Variants in DST observed in about 807,000 individuals in gnomAD.
DST encodes dystonin.
DST carries 253 observed loss-of-function variants against 875.2 expected under a neutral mutation model. That is an observed-to-expected ratio of 0.29 (90% CI 0.26 to 0.32). The LOEUF is 0.32. Ranked by LOEUF, DST falls within the 10% of genes least tolerant of loss-of-function variation. The pLI, the probability that DST is intolerant of heterozygous loss-of-function variation, is 1.00. For missense variants in DST, 8,287 were observed against 9,111.6 expected, an observed-to-expected ratio of 0.91 and a Z score of 3.68; for synonymous variants, 3,124 against 3,197.1, an observed-to-expected ratio of 0.98 and a Z score of 0.77.
chr6:56,610,116 C>A (rs1404663988), intron 39 of DST, among the ~76,000 whole-genome samples: 1 of 152,004 alleles, frequency 6.6e-6, no homozygotes, highest in Non-Finnish European at 1.5e-5. Flanking sequence ...TCTTTTATAG[C>A]CTATAATATA....
intron 4 of DST, among the ~76,000 whole-genome samples, chr6:56,770,524 C>G (rs2099651683): frequency 6.6e-6 from 1 of 152,138 alleles, no homozygotes; most frequent in South Asian, 2.1e-4. Context: ...TTCCATGCAT[C>G]CACATAGAGT....
In DST at chr6:56,460,026, CA is replaced by C. The variant is rs1581905300; in HGVS notation, c.23194+104del. On this transcript the variant is annotated intron_variant, in intron 103 of 103. Coordinates refer to ENST00000680361, the MANE Select transcript of DST (RefSeq NM_001374736.1). ...GCTACATATCATTTTAAGACTACCT[CA>C]GGGTCAATTTGTAATTTCTTCCCCA... 4.3e-6 allele frequency: 6 copies of C among 1,380,320 alleles called. No individual in the cohort carries two copies. The East Asian group carries it at 1.5e-4, about 34-fold the overall frequency. The allele number at this position is 1,380,320 out of a possible 1,614,324, so 85.5% of individuals were successfully genotyped here. A position where few individuals can be genotyped will look rare whatever the true frequency, so the allele number is the denominator to read the frequency against.
intron 5 of DST, among the ~76,000 whole-genome samples, chr6:56,715,038 T>G (rs1407188364): frequency 6.6e-6 from 1 of 152,204 alleles, no homozygotes; most frequent in African/African-American, 2.4e-5. Context: ...TCTGACACAG[T>G]GCCTTTCATA....
At chr6:56,741,917 C>T (rs992340041) in intron 4 of DST, among the ~76,000 whole-genome samples, 7 of 152,036 alleles carry the variant, frequency 4.6e-5, no homozygotes, top group East Asian at 1.9e-4. Flanking sequence ...AAATATGTAA[C>T]GACAATGAAG....
At chr6:56,589,944 T>A (rs953642513) in intron 49 of DST, among the ~76,000 whole-genome samples, 16 of 152,246 alleles carry the variant, frequency 1.1e-4, no homozygotes, top group Non-Finnish European at 7.3e-5. Flanking sequence ...AAGATCGATT[T>A]TTTGTAGTAG....
In DST at chr6:56,875,023, G is replaced by A. The variant is rs1238063012; in HGVS notation, c.418-23419C>T. On this transcript the variant is annotated intron_variant, in intron 3 of 103. Transcript: ENST00000680361. ...TTTTGAGATGGAGTCTCGCTCTGTC[G>A]CCCAGGCTGAAGTGCAGTGGCGCGA... 2.6e-5 allele frequency among the ~76,000 whole-genome samples: 4 copies of A among 152,178 alleles called. No homozygotes were observed. In the South Asian group the frequency reaches 6.2e-4, roughly 24 times the overall value.
intron 3 of DST, among the ~76,000 whole-genome samples, chr6:56,886,723 C>T (rs1448366970): frequency 7.0e-6 from 1 of 143,692 alleles, no homozygotes; most frequent in Non-Finnish European, 1.5e-5. Context: ...TGCGGTGAGC[C>T]GGAGATCGTG....
chr6:56,823,007 A>G (rs932404775), intron 4 of DST, among the ~76,000 whole-genome samples: 16 of 151,036 alleles, frequency 1.1e-4, no homozygotes, highest in Admixed American at 7.9e-4. Context: ...TTTTTTTTGT[A>G]TTTTTAGTAG....
rs750916776 is a variant in DST, at chr6:56,463,602, G to A, written c.22922C>T (p.Ala7641Val). The A allele has an allele frequency of 5.2e-5, 84 of 1,606,134 alleles. No individual in the cohort carries two copies. Among genetic ancestry groups the A allele is most frequent in the Non-Finnish European group, 6.5e-5 (76 of 1,174,586 alleles). Reference protein sequence around the residue: ...STSVSSQAAQAASPQVPATTT... With the variant: ...STSVSSQAAQVASPQVPATTT... ...GGTGGCAGGGACCTGTGGGGAGGCC[G>A]CCTGCGCAGCCTGACTGGACACAGA... Residue 7641 changes from alanine to valine, a missense_variant, in exon 101 of 104, where the codon GCG becomes GTG. Around this residue, in one of 10 missense-constraint regions of DST, gnomAD observed 240 missense variants for 237.3 expected, o/e 1.01. Transcript: ENST00000680361.
chr6:56,908,809 T>C (rs566702777), intron 2 of DST, among the ~76,000 whole-genome samples: 3 of 152,246 alleles, frequency 2.0e-5, no homozygotes, highest in East Asian at 3.9e-4. Context: ...CCTACAGTCG[T>C]CCTCACTGCT....
intron 36 of DST, among the ~76,000 whole-genome samples, chr6:56,623,112 GT>G (rs2098705238): frequency 1.3e-5 from 2 of 152,006 alleles, no homozygotes; most frequent in African/African-American, 4.8e-5. Flanking sequence ...GTATTTGCTG[GT>G]TTCAATTAAC....
chr6:56,848,164 T>C (rs1305798589), intron 4 of DST, among the ~76,000 whole-genome samples: 1 of 152,236 alleles, frequency 6.6e-6, no homozygotes, highest in Non-Finnish European at 1.5e-5. Flanking sequence ...CCAATCTCTT[T>C]TGAAACTATG....
At chr6:56,706,861 C>T (rs967891675) in intron 5 of DST, among the ~76,000 whole-genome samples, 11 of 152,062 alleles carry the variant, frequency 7.2e-5, no homozygotes, top group African/African-American at 1.9e-4. Context: ...AAAAATTAGC[C>T]GGGCAATGTG....
At chr6:56,546,347 C>CATATATATATATATATAT (rs10617867) in intron 61 of DST, among the ~76,000 whole-genome samples, 1 of 72,638 alleles carries the variant, frequency 1.4e-5, no homozygotes, top group African/African-American at 4.9e-5. Context: ...ATACATATTT[C>CATATATATATATATATAT]ATATATATAT....
intron 3 of DST, among the ~76,000 whole-genome samples, chr6:56,869,956 G>A (rs547256958): frequency 1.3e-5 from 2 of 152,146 alleles, no homozygotes; most frequent in East Asian, 3.9e-4. Flanking sequence ...AAAGTGCTGG[G>A]ATTACAGGCA....
intron 15 of DST, 90 bp downstream of exon 15, chr6:56,645,776 G>T (rs983148323): frequency 1.4e-6 from 2 of 1,473,186 alleles, no homozygotes; most frequent in South Asian, 1.3e-5. Context: ...CCAAGGCCAA[G>T]TAAACAGAGG....
chr6:56,485,567 C>T, intron 87 of DST, 96 bp from the exon 88 acceptor site: 1 of 1,200,598 alleles, frequency 8.3e-7, no homozygotes, highest in Non-Finnish European at 1.2e-6. Flanking sequence ...GAGTGGTACT[C>T]AAGGGGAAGA....
chr6:56,462,735 A>G (rs1404934999), intron 102 of DST, among the ~76,000 whole-genome samples: 1 of 152,152 alleles, frequency 6.6e-6, no homozygotes, highest in East Asian at 1.9e-4. Context: ...GTCTGGCTAT[A>G]ACCTACTCTA....
intron 2 of DST, among the ~76,000 whole-genome samples, chr6:56,935,709 C>T (rs1428088569): frequency 2.0e-5 from 3 of 152,062 alleles, no homozygotes; most frequent in East Asian, 3.9e-4. Context: ...GGGCGGATCA[C>T]GAGGTCAAGA....
Sources: allele counts gnomAD v4.1 joint callset (sites outside exome capture counted in the v4.1 genomes callset), GRCh38; gene constraint gnomAD v4.1.1; regional missense constraint gnomAD v4.1.1; transcripts MANE v1.5; gene names NCBI Gene and HGNC (gene_info 2026-07-23, HGNC 2026-07-21).